The following SNX16 variants were observed in gnomAD, a reference collection of about 807,000 sequenced individuals.
The protein encoded by SNX16 is sorting nexin 16.
SNX16 carries 35 observed loss-of-function variants against 36.7 expected under a neutral mutation model. The ratio of observed to expected loss-of-function variants is 0.95; its 90% CI spans 0.73 to 1.27. SNX16 has a LOEUF of 1.27. SNX16 is among the 50% of genes most tolerant of loss of function. The probability of loss-of-function intolerance (pLI) is 0.00; values close to 1 mark genes in which losing one functional copy is unlikely to be tolerated. For missense variants in SNX16, 367 were observed against 393.6 expected, an observed-to-expected ratio of 0.93 and a Z score of 0.57; for synonymous variants, 134 against 132.0, an observed-to-expected ratio of 1.02 and a Z score of -0.10.
chr8:81,834,360 C>G (rs1458051079), intron 2 of SNX16, among the ~76,000 whole-genome samples: 1 of 152,142 alleles, frequency 6.6e-6, no homozygotes, highest in Non-Finnish European at 1.5e-5. Context: ...ACATTCAAAC[C>G]ATATCATTCC....
At chr8:81,839,550 T>C in intron 2 of SNX16, 62 bp downstream of exon 2, 1 of 1,447,998 alleles carries the variant, frequency 6.9e-7, no homozygotes, top group Non-Finnish European at 9.3e-7. Context: ...AACACTGGTT[T>C]GAACACAGAG....
At chr8:81,825,253 T>C (rs1368372218) in intron 3 of SNX16, among the ~76,000 whole-genome samples, 1 of 152,212 alleles carries the variant, frequency 6.6e-6, no homozygotes, top group African/African-American at 2.4e-5. Flanking sequence ...AACATACTGC[T>C]GTGGCCACTT....
intron 5 of SNX16, among the ~76,000 whole-genome samples, chr8:81,806,653 A>G (rs867826334): frequency 6.6e-6 from 1 of 152,212 alleles, no homozygotes; most frequent in East Asian, 1.9e-4. Context: ...AATGGCTTCA[A>G]TTAACCTCCA....
chr8:81,810,685 A>G (rs1259783094), intron 5 of SNX16, among the ~76,000 whole-genome samples: 1 of 152,214 alleles, frequency 6.6e-6, no homozygotes, highest in African/African-American at 2.4e-5. Flanking sequence ...CAGTGGTTCT[A>G]CATCAGGAGC....
chr8:81,818,724 G>T (rs1003008992), intron 4 of SNX16, among the ~76,000 whole-genome samples: 5 of 152,076 alleles, frequency 3.3e-5, no homozygotes, highest in African/African-American at 1.2e-4. Flanking sequence ...TCAAAATGAG[G>T]TTATTAGACC....
intron 2 of SNX16, among the ~76,000 whole-genome samples, chr8:81,837,678 G>C (rs1811552094): frequency 1.3e-5 from 2 of 152,276 alleles, no homozygotes; most frequent in East Asian, 1.9e-4. Context: ...GCTTCCAAAA[G>C]CTCCATCTCT....
At chr8:81,818,042 T>C (rs16909656) in intron 4 of SNX16, among the ~76,000 whole-genome samples, 1,570 of 152,256 alleles carry the variant, frequency 0.01, 27 homozygotes, top group African/African-American at 0.036. Flanking sequence ...ATCTGTACTA[T>C]AAATTCACCT....
chr8:81,827,842 G>A (rs911553894), intron 3 of SNX16, among the ~76,000 whole-genome samples: 2 of 152,136 alleles, frequency 1.3e-5, no homozygotes, highest in Non-Finnish European at 2.9e-5. Context: ...AACAGGACCA[G>A]TACAGCTTTC....
At chr8:81,816,471 C>T (rs1309664640) in intron 4 of SNX16, among the ~76,000 whole-genome samples, 1 of 151,546 alleles carries the variant, frequency 6.6e-6, no homozygotes, top group Admixed American at 6.6e-5. Context: ...ATTACAGGCA[C>T]GAACCACCGC....
chr8:81,820,617 T>C (rs778514474), intron 4 of SNX16, among the ~76,000 whole-genome samples: 5,176 of 152,080 alleles, frequency 0.034, 144 homozygotes, highest in Non-Finnish European at 0.052. Context: ...TGTTTCTGAC[T>C]TATATCCATT....
At chr8:81,838,103 A>G (rs574696883) in intron 2 of SNX16, among the ~76,000 whole-genome samples, 13 of 152,194 alleles carry the variant, frequency 8.5e-5, no homozygotes, top group Non-Finnish European at 1.9e-4. Context: ...ATAAAATAGC[A>G]GTAAATAGAA....
At position 81,802,373 on chromosome 8, in the gene SNX16, T is replaced by C. The variant is rs1193266635; in HGVS notation, c.938+7A>G. ...AATTAAGCTATCATAAATGAAATAT[T>C]ATATACCTAGATTCTTCATCCAGGA... On this transcript the variant is annotated splice_region_variant and intron_variant, in intron 7 of 7. Coordinates refer to ENST00000345957, the MANE Select transcript of SNX16 (RefSeq NM_152836.3). 6.3e-7 allele frequency: 1 copy of C among 1,594,140 alleles called. No individual in the cohort carries two copies. The highest frequency in any genetic ancestry group is 2.3e-5 in the East Asian group (1 of 44,134).
At position 81,839,730 on chromosome 8, in the gene SNX16, T is replaced by C; in HGVS notation, c.257A>G (p.Tyr86Cys). 1 of 1,614,020 alleles carries C rather than the reference T, an allele frequency of 6.2e-7. No individual in the cohort carries two copies. Among genetic ancestry groups the C allele is most frequent in the Non-Finnish European group, 8.5e-7 (1 of 1,179,918 alleles). Residue 86 changes from tyrosine (Y) to cysteine (C), a missense_variant, in exon 2 of 8, where the codon TAT (tyrosine) becomes TGT (cysteine). Coordinates refer to ENST00000345957, the MANE Select transcript of SNX16 (RefSeq NM_152836.3). ...TTCAGTGTCTCTTGGTCTAGTAGAA[T>C]ACTCAATGGAAGAAGCTGTACCTGT... The part of the protein sequence containing the change: ...KFTGTASSIE[Y>C]STRPRDTEEQ...
chr8:81,839,041 G>A (rs1811619293), intron 2 of SNX16, among the ~76,000 whole-genome samples: 1 of 152,032 alleles, frequency 6.6e-6, no homozygotes, highest in South Asian at 2.1e-4. Context: ...CACAACCAAT[G>A]TGATATTACT....
chr8:81,822,581 A>G (rs544402578), intron 4 of SNX16, among the ~76,000 whole-genome samples: 74 of 152,070 alleles, frequency 4.9e-4, no homozygotes, highest in African/African-American at 1.7e-3. Flanking sequence ...GGACTAGGGT[A>G]GTGATGGCAG....
chr8:81,829,587 T>C, intron 2 of SNX16, 71 bp from the exon 3 acceptor site: 1 of 626,844 alleles, frequency 1.6e-6, no homozygotes, highest in Non-Finnish European at 2.4e-6. Flanking sequence ...TCAAGCCAAA[T>C]ATTTTAAAAA....
At chr8:81,838,197 C>A (rs751343594) in intron 2 of SNX16, among the ~76,000 whole-genome samples, 3 of 152,046 alleles carry the variant, frequency 2.0e-5, no homozygotes, top group Non-Finnish European at 4.4e-5. Context: ...AAGAACCCTG[C>A]ACCAAAAACA....
intron 4 of SNX16, among the ~76,000 whole-genome samples, chr8:81,817,402 G>A (rs1810543664): frequency 6.6e-6 from 1 of 152,124 alleles, no homozygotes. Context: ...TATCCAGCTG[G>A]AGGAATCATT....
intron 5 of SNX16, among the ~76,000 whole-genome samples, chr8:81,806,397 G>A (rs1032548304): frequency 1.3e-5 from 2 of 151,530 alleles, no homozygotes; most frequent in Non-Finnish European, 2.9e-5. Flanking sequence ...CACACCAATA[G>A]ATTAAAAAAA....
Sources: allele counts gnomAD v4.1 joint callset (sites outside exome capture counted in the v4.1 genomes callset), GRCh38; gene constraint gnomAD v4.1.1; transcripts MANE v1.5; gene names NCBI Gene and HGNC (gene_info 2026-07-23, HGNC 2026-07-21).